The following PRKD2 variants were observed in gnomAD, a reference collection of about 807,000 sequenced individuals.
PRKD2 encodes serine/threonine-protein kinase D2.
PRKD2 carries 22 observed loss-of-function variants against 86.0 expected under a neutral mutation model. That is an observed-to-expected ratio of 0.26 (90% CI 0.18 to 0.37). The LOEUF (loss-of-function observed/expected upper bound fraction) is 0.37, where lower values mean the gene tolerates loss of function less well. Among genes scored for constraint, PRKD2 ranks in the 10% least tolerant of loss-of-function variants. The pLI is 1.00. For synonymous variants in PRKD2, 509 were observed against 510.9 expected (o/e 1.00, Z 0.05); for missense variants, 818 against 1,199.2 (o/e 0.68, Z 4.70).
intron 1 of PRKD2, chr19:46,714,363 C>A: frequency 1.0e-6 from 1 of 954,138 alleles, no homozygotes; most frequent in South Asian, 4.2e-5. Flanking sequence ...CTCACACACC[C>A]GCCCCCCAGC....
Position 46,697,788 on chromosome 19 carries a change from G to A in PRKD2, c.1184C>T (p.Ser395Phe). The A allele has an allele frequency of 6.2e-7, 1 of 1,614,130 alleles. No individual in the cohort carries two copies. The highest frequency in any genetic ancestry group is 8.5e-7 in the Non-Finnish European group (1 of 1,180,024). ...VQSVRHTTRK[S>F]STTLREGWVV... ...CCAACCCTCCCGCAGCGTGGTGCTG[G>A]ATTTCCGCGTCGTGTGTCGCACCGA... The change falls in exon 8 of 18, where the codon TCC (serine) becomes TTC (phenylalanine). Residue 395 changes from serine (S) to phenylalanine (F), a missense_variant. By Grantham distance (155) the Ser-to-Phe change is radical. Around this residue, in one of 5 missense-constraint regions of PRKD2, gnomAD observed 127 missense variants for 157.8 expected, o/e 0.80. Coordinates refer to ENST00000291281, the MANE Select transcript of PRKD2 (RefSeq NM_016457.5).
chr19:46,684,123 T>A (rs2053359099), intron 14 of PRKD2, among the ~76,000 whole-genome samples: 1 of 152,180 alleles, frequency 6.6e-6, no homozygotes, highest in Admixed American at 6.6e-5. Flanking sequence ...GATTGTTTTC[T>A]TTTTTAAAAA....
rs1250504172 is a variant in PRKD2 at position 46,714,058 on chromosome 19, G to C, written c.241-57C>G. 43 of 1,589,436 alleles carry C rather than the reference G, an allele frequency of 2.7e-5. No homozygotes were observed. The Admixed American group carries it at 4.2e-4, about 16-fold the overall frequency. On this transcript the variant is annotated intron_variant, in intron 1 of 17. Coordinates refer to ENST00000291281, the MANE Select transcript of PRKD2 (RefSeq NM_016457.5). ...AAAGCTCAGAGCCGCCTTCAGCAGCGGGCGGACTGTGACCCTCCCAGGGCA... is the reference window on the plus strand; with the variant it reads ...AAAGCTCAGAGCCGCCTTCAGCAGCCGGCGGACTGTGACCCTCCCAGGGCA...
intron 11 of PRKD2, 59 bp downstream of exon 11, chr19:46,691,874 G>C: frequency 6.2e-7 from 1 of 1,610,204 alleles, no homozygotes; most frequent in Non-Finnish European, 8.5e-7. Context: ...TCAAGGAGAC[G>C]AGAGAGCTGA....
intron 2 of PRKD2, among the ~76,000 whole-genome samples, chr19:46,713,233 C>T (rs2053833762): frequency 6.7e-6 from 1 of 148,998 alleles, no homozygotes; most frequent in African/African-American, 2.5e-5. Flanking sequence ...CCTTATGTTG[C>T]CCAGGCTGGT....
At position 46,716,465 on chromosome 19, in the gene PRKD2, A is replaced by C. The variant is rs2053882858; in HGVS notation, c.-95T>G. 2 of 629,476 alleles carry C rather than the reference A, an allele frequency of 3.2e-6. No individual in the cohort carries two copies. The highest frequency in any genetic ancestry group is 5.1e-6 in the Non-Finnish European group (2 of 390,774). 39.0% of individuals were successfully genotyped at this position (629,476 alleles called of 1,614,324 possible). A position where few individuals can be genotyped will look rare whatever the true frequency, so the allele number is the denominator to read the frequency against. On this transcript the variant is annotated 5_prime_UTR_variant, in exon 1 of 18. Transcript: ENST00000291281. The surrounding 1 kb of genome is among the most constrained non-coding windows in gnomAD (Gnocchi z 7.9). ...GGTTCTAGATCCGCGGGATCTCGTG[A>C]GCAGGTGGTGGGAGAGCGGGGATCC...
At chr19:46,701,178 C>T in intron 5 of PRKD2, 66 bp from the exon 6 acceptor site, 1 of 1,518,812 alleles carries the variant, frequency 6.6e-7, no homozygotes, top group Non-Finnish European at 9.1e-7. Context: ...AGGCTTGAAC[C>T]TTGACCCTAA....
intron 15 of PRKD2, among the ~76,000 whole-genome samples, chr19:46,680,605 T>C (rs903518319): frequency 3.9e-5 from 6 of 151,952 alleles, no homozygotes; most frequent in African/African-American, 1.2e-4. Flanking sequence ...CTTTTAAATA[T>C]GTTTGGAACA....
Position 46,714,490 on chromosome 19 carries a change from C to CGGGGGG in PRKD2, c.241-490_241-489insCCCCCC, listed in dbSNP as rs1254751346. The CGGGGGG allele has an allele frequency of 9.2e-4, 40 of 43,542 alleles. 1 individual carries two copies. The highest frequency in any genetic ancestry group is 1.3e-3 in the Non-Finnish European group (27 of 20,846). The allele number at this position is 43,542 out of a possible 1,614,324, so 2.7% of individuals were successfully genotyped here. A position where few individuals can be genotyped will look rare whatever the true frequency, so the allele number is the denominator to read the frequency against. On this transcript the variant is annotated intron_variant, in intron 1 of 17. Coordinates refer to ENST00000291281, the MANE Select transcript of PRKD2 (RefSeq NM_016457.5). ...CTCCTGGGAAAGTGGGGGGGGGGGC[C>CGGGGGG]GGGGGACTTGGACTCGAGGGCGCTG...
At chr19:46,705,064 A>G (rs1210618878) in intron 3 of PRKD2, among the ~76,000 whole-genome samples, 2 of 148,520 alleles carry the variant, frequency 1.3e-5, no homozygotes, top group Non-Finnish European at 3.0e-5. Context: ...GGGATACCTC[A>G]AAGGTTCCCT....
intron 9 of PRKD2, among the ~76,000 whole-genome samples, chr19:46,695,073 C>T (rs1315760192): frequency 2.0e-5 from 3 of 152,116 alleles, no homozygotes; most frequent in African/African-American, 4.8e-5. Flanking sequence ...TGTGGTGGTG[C>T]GCACCTGTAA....
chr19:46,675,281 TCATTA>T (rs1238638297), intron 16 of PRKD2, among the ~76,000 whole-genome samples, 163 bp from the exon 17 acceptor site: 1 of 152,170 alleles, frequency 6.6e-6, no homozygotes, highest in Non-Finnish European at 1.5e-5. Context: ...ACCCATTTCC[TCATTA>T]CATTACAAAT....
rs1027502233 is a variant in PRKD2, at chr19:46,674,396, C to A, written c.*127G>T. On this transcript the variant is annotated 3_prime_UTR_variant, in exon 18 of 18. Coordinates refer to ENST00000291281, the MANE Select transcript of PRKD2 (RefSeq NM_016457.5). Reference sequence around the variant, plus strand: ...CAGGGAGGGGCCTTGGAAATAGCTCCCCCCACCCCACTCCCCACGTGTCCC... The same window carrying A: ...CAGGGAGGGGCCTTGGAAATAGCTCACCCCACCCCACTCCCCACGTGTCCC... 9.7e-7 allele frequency: 1 copy of A among 1,027,778 alleles called. No individual in the cohort carries two copies. The highest frequency in any genetic ancestry group is 2.6e-5 in the East Asian group (1 of 37,916). The allele number at this position is 1,027,778 out of a possible 1,614,324, so 63.7% of individuals were successfully genotyped here. A position where few individuals can be genotyped will look rare whatever the true frequency, so the allele number is the denominator to read the frequency against.
chr19:46,707,296 C>T (rs964093100), intron 3 of PRKD2, among the ~76,000 whole-genome samples: 3 of 152,134 alleles, frequency 2.0e-5, no homozygotes, highest in Middle Eastern at 3.2e-3. Flanking sequence ...AATTGCAGGG[C>T]ACACCATACA....
chr19:46,715,923 C>T (rs1244159464), intron 1 of PRKD2, among the ~76,000 whole-genome samples: 1 of 152,214 alleles, frequency 6.6e-6, no homozygotes, highest in Non-Finnish European at 1.5e-5. Flanking sequence ...TTGGGGAGGC[C>T]TCTGGGGCAC....
intron 14 of PRKD2, chr19:46,686,299 G>A (rs2053395640): frequency 6.6e-6 from 1 of 151,950 alleles, no homozygotes; most frequent in East Asian, 1.9e-4. Flanking sequence ...AAGCCCAGGA[G>A]TTCGAGACCC....
At chr19:46,689,440 T>C (rs1433660060) in intron 14 of PRKD2, 97 bp downstream of exon 14, 1 of 1,365,654 alleles carries the variant, frequency 7.3e-7, no homozygotes, top group Non-Finnish European at 9.9e-7. Context: ...CTATTGTGAC[T>C]CCCCCAAGTG....
In PRKD2 at chr19:46,714,180, C is replaced by T. The variant is rs1439757912; in HGVS notation, c.241-179G>A. The T allele has an allele frequency of 5.3e-6, 7 of 1,330,072 alleles. No individual in the cohort carries two copies. The Admixed American group carries it at 1.9e-4, about 37-fold the overall frequency. The allele number at this position is 1,330,072 out of a possible 1,614,324, so 82.4% of individuals were successfully genotyped here. ...CAGCGCGAGCCGGGCAGGATGCCAG[C>T]GCCCCAATTGTACGGGGAGGGGGCG... On this transcript the variant is annotated intron_variant, in intron 1 of 17. Transcript: ENST00000291281.
rs1568731076 is a variant in PRKD2 at position 46,702,036 on chromosome 19, TTG to T, written c.890-926_890-925del. ...TATGAAGGTTCTATGATTCTGTTTT[TTG>T]TTTTTTTTTTTTTTTTTTAAGAAAC... is the stretch of plus-strand genomic sequence containing the variant. On this transcript the variant is annotated intron_variant, in intron 5 of 17. Transcript: ENST00000291281. Among the ~76,000 whole-genome samples the T allele has an allele frequency of 9.8e-5, 13 of 132,068 alleles. 1 individual carries two copies. Among genetic ancestry groups the T allele is most frequent in the South Asian group, 2.3e-4 (1 of 4,416 alleles). 86.6% of individuals were successfully genotyped at this position (132,068 alleles called of 152,430 possible). A position where few individuals can be genotyped will look rare whatever the true frequency, so the allele number is the denominator to read the frequency against.
Sources: allele counts gnomAD v4.1 joint callset (sites outside exome capture counted in the v4.1 genomes callset), GRCh38; gene constraint gnomAD v4.1.1; regional missense constraint gnomAD v4.1.1; non-coding constraint Gnocchi (gnomAD v3.1); transcripts MANE v1.5; gene names NCBI Gene and HGNC (gene_info 2026-07-23, HGNC 2026-07-21).